The following HYKK variants were observed in gnomAD, a reference collection of about 807,000 sequenced individuals.
The protein encoded by HYKK is hydroxylysine kinase.
A neutral mutation model predicts 29.7 loss-of-function variants in HYKK; 19 were observed. That is an observed-to-expected ratio of 0.64 (90% CI 0.45 to 0.94). The LOEUF is 0.94. Among genes scored for constraint, HYKK ranks in the 40% least tolerant of loss-of-function variants. The pLI is 0.00. For missense variants in HYKK, 390 were observed against 443.4 expected, an observed-to-expected ratio of 0.88 and a Z score of 1.08; for synonymous variants, 152 against 158.1, an observed-to-expected ratio of 0.96 and a Z score of 0.29.
intron 3 of HYKK, among the ~76,000 whole-genome samples, chr15:78,517,911 C>A (rs1486528203): frequency 6.6e-6 from 1 of 152,170 alleles, no homozygotes; most frequent in Admixed American, 6.5e-5. Flanking sequence ...TGGCTCGTTC[C>A]CCAGTTTTGA....
intron 3 of HYKK, among the ~76,000 whole-genome samples, chr15:78,524,249 A>C (rs763046186): frequency 8.5e-5 from 13 of 152,254 alleles, no homozygotes; most frequent in African/African-American, 2.9e-4. Flanking sequence ...CCAAGCCTCA[A>C]CTTTTACACT....
rs1195318897 is a variant in HYKK at position 78,534,074 on chromosome 15, A to G, written c.*404A>G. 6.3e-6 allele frequency: 1 copy of G among 158,664 alleles called. No individual in the cohort carries two copies. The highest frequency in any genetic ancestry group is 6.2e-5 in the Admixed American group (1 of 16,052). The allele number at this position is 158,664 out of a possible 1,614,324, so 9.8% of individuals were successfully genotyped here. A position where few individuals can be genotyped will look rare whatever the true frequency, so the allele number is the denominator to read the frequency against. On this transcript the variant is annotated 3_prime_UTR_variant, in exon 5 of 5. Transcript: ENST00000388988. The stretch of plus-strand genomic sequence containing the variant: ...AACATACTGACCTAGATAACATACT[A>G]CCAGTTCTATGAAACCTCCTCTGAT...
chr15:78,510,099 T>TTC (rs558402496), intron 1 of HYKK, among the ~76,000 whole-genome samples: 1 of 149,676 alleles, frequency 6.7e-6, no homozygotes, highest in Admixed American at 6.7e-5. Flanking sequence ...TTTTCTTTCT[T>TTC]TCTCTCTCTC....
intron 3 of HYKK, among the ~76,000 whole-genome samples, chr15:78,523,399 T>C (rs1045774607): frequency 6.6e-6 from 1 of 152,186 alleles, no homozygotes; most frequent in Admixed American, 6.5e-5. Flanking sequence ...AGGATGGTGC[T>C]AAGCCATTCA....
chr15:78,522,740 A>G (rs1407770245), intron 3 of HYKK, among the ~76,000 whole-genome samples: 1 of 152,080 alleles, frequency 6.6e-6, no homozygotes, highest in Non-Finnish European at 1.5e-5. Context: ...TTAACCGGAC[A>G]TGGTGACACA....
At chr15:78,510,602 T>C (rs982307218) in intron 1 of HYKK, among the ~76,000 whole-genome samples, 2 of 152,178 alleles carry the variant, frequency 1.3e-5, no homozygotes, top group African/African-American at 4.8e-5. Context: ...TTATCCCCTT[T>C]CCCTCACTGG....
intron 3 of HYKK, among the ~76,000 whole-genome samples, chr15:78,521,865 T>C (rs977605892): frequency 2.6e-5 from 4 of 152,128 alleles, no homozygotes; most frequent in African/African-American, 9.7e-5. Context: ...AGAAGTTCTA[T>C]GGCTGCGTGG....
rs1171269709 is a variant in HYKK, at chr15:78,533,584, C to G, written c.1036C>G (p.Gln346Glu). The G allele has an allele frequency of 1.2e-6, 2 of 1,612,032 alleles. No individual in the cohort carries two copies. Among genetic ancestry groups the G allele is most frequent in the Non-Finnish European group, 1.7e-6 (2 of 1,179,088 alleles). Residue 346 changes from glutamine to glutamate, a missense_variant, in exon 5 of 5, where the codon CAG (glutamine) becomes GAG (glutamate). Gln to Glu is a conservative substitution (Grantham distance 29). Coordinates refer to ENST00000388988, the MANE Select transcript of HYKK (RefSeq NM_001013619.4). ...VTAKTGWKHL[Q>E]QMFDMGQKAV... ...TGCAAAAACCGGGTGGAAACACTTACAGCAAATGTTTGACATGGGTCAGAA... is the reference window on the plus strand; with the variant it reads ...TGCAAAAACCGGGTGGAAACACTTAGAGCAAATGTTTGACATGGGTCAGAA...
At chr15:78,530,666 T>TAA (rs1416519079) in intron 4 of HYKK, among the ~76,000 whole-genome samples, 16 of 149,016 alleles carry the variant, frequency 1.1e-4, no homozygotes, top group Admixed American at 2.7e-4. Context: ...CTAAAAAATT[T>TAA]TTTTTTATAG....
chr15:78,515,587 ATTTTT>A (rs145146182), intron 3 of HYKK, among the ~76,000 whole-genome samples: 5 of 127,006 alleles, frequency 3.9e-5, no homozygotes, highest in Non-Finnish European at 8.5e-5. Flanking sequence ...CTCCAAAGAA[ATTTTT>A]TTTTTTTTTT....
In HYKK at chr15:78,533,662, T is replaced by C; in HGVS notation, c.1114T>C (p.Ser372Pro). Reference protein sequence around the residue: ...ETAKSYESGISM With the variant: ...ETAKSYESGIPM ...TGCCAAATCCTATGAATCTGGGATC[T>C]CCATGTGACTGAGATCTCCATGTGA... Residue 372 changes from serine (S) to proline (P), a missense_variant, in exon 5 of 5, where the codon TCC (serine) becomes CCC (proline). Transcript: ENST00000388988. 1.9e-6 allele frequency: 3 copies of C among 1,610,164 alleles called. No homozygotes were observed. In the African/African-American group the frequency reaches 4.0e-5, roughly 21 times the overall value.
At chr15:78,515,752 C>G (rs936450848) in intron 3 of HYKK, among the ~76,000 whole-genome samples, 1 of 152,070 alleles carries the variant, frequency 6.6e-6, no homozygotes, top group Non-Finnish European at 1.5e-5. Context: ...CCACGCCCGG[C>G]TAATTTTTTG....
intron 3 of HYKK, among the ~76,000 whole-genome samples, chr15:78,522,615 G>A (rs1486071854): frequency 1.3e-5 from 2 of 148,688 alleles, no homozygotes; most frequent in Middle Eastern, 3.4e-3. Context: ...GGTGGCTCAC[G>A]CCTGTAATCT....
intron 2 of HYKK, 27 bp downstream of exon 2, chr15:78,513,452 A>G (rs1047923785): frequency 4.6e-6 from 7 of 1,517,090 alleles, no homozygotes; most frequent in Middle Eastern, 3.5e-4. Context: ...TCGCCGATCC[A>G]TTACCTATCC....
intron 3 of HYKK, among the ~76,000 whole-genome samples, chr15:78,524,554 T>C (rs11854548): frequency 0.042 from 6,419 of 152,260 alleles, 458 homozygotes; most frequent in African/African-American, 0.15. Context: ...TATTAGCGCT[T>C]GGCTCCTTTT....
intron 3 of HYKK, among the ~76,000 whole-genome samples, chr15:78,517,915 G>A (rs2052153207): frequency 6.6e-6 from 1 of 152,174 alleles, no homozygotes; most frequent in African/African-American, 2.4e-5. Context: ...TCGTTCCCCA[G>A]TTTTGAGTAG....
chr15:78,511,397 C>T (rs377066985), intron 1 of HYKK, among the ~76,000 whole-genome samples: 59 of 152,148 alleles, frequency 3.9e-4, no homozygotes, highest in African/African-American at 1.4e-3. Flanking sequence ...AGAAAACAGT[C>T]TCCTCCCCCG....
At chr15:78,525,637 A>G (rs2052245503) in intron 3 of HYKK, among the ~76,000 whole-genome samples, 1 of 152,078 alleles carries the variant, frequency 6.6e-6, no homozygotes, top group Non-Finnish European at 1.5e-5. Context: ...AGTTGGGACT[A>G]CAGGCACCCA....
chr15:78,510,174 C>A (rs1469693245), intron 1 of HYKK, among the ~76,000 whole-genome samples: 1 of 126,870 alleles, frequency 7.9e-6, no homozygotes, highest in Non-Finnish European at 1.7e-5. Flanking sequence ...TCTCTCTTTT[C>A]TTTCTTTTCT....
Sources: allele counts gnomAD v4.1 joint callset (sites outside exome capture counted in the v4.1 genomes callset), GRCh38; gene constraint gnomAD v4.1.1; transcripts MANE v1.5; gene names NCBI Gene and HGNC (gene_info 2026-07-23, HGNC 2026-07-21).